Variants in LRRC4C observed in about 807,000 individuals in gnomAD.
LRRC4C encodes leucine rich repeat containing 4C.
LRRC4C carries 5 observed loss-of-function variants against 33.6 expected under a neutral mutation model. The observed-to-expected ratio is 0.15, with a 90% CI of 0.08 to 0.31. LRRC4C has a LOEUF of 0.31. LRRC4C is among the 10% of genes least tolerant of loss of function. The pLI, the probability that LRRC4C is intolerant of heterozygous loss-of-function variation, is 1.00. For synonymous variants in LRRC4C, 329 were observed against 302.0 expected, an observed-to-expected ratio of 1.09 and a Z score of -0.93; for missense variants, 560 against 796.7, an observed-to-expected ratio of 0.70 and a Z score of 3.58.
intron 1 of LRRC4C, among the ~76,000 whole-genome samples, chr11:40,989,898 T>A (rs535192010): frequency 6.6e-6 from 1 of 152,132 alleles, no homozygotes; most frequent in Non-Finnish European, 1.5e-5. Context: ...AAAATGCAGA[T>A]AAAAACAATA....
At chr11:40,755,091 G>C (rs1338849025) in intron 2 of LRRC4C, among the ~76,000 whole-genome samples, 2 of 152,072 alleles carry the variant, frequency 1.3e-5, no homozygotes, top group African/African-American at 2.4e-5. Flanking sequence ...TATCTATTGA[G>C]TTTGCATGAT....
At chr11:41,121,081 T>C (rs536274811) in intron 1 of LRRC4C, among the ~76,000 whole-genome samples, 3 of 152,288 alleles carry the variant, frequency 2.0e-5, no homozygotes, top group Middle Eastern at 6.8e-3. Context: ...TATAGTAGTG[T>C]AAAAACAGAC....
intron 1 of LRRC4C, among the ~76,000 whole-genome samples, chr11:41,003,611 A>G (rs555837801): frequency 6.6e-6 from 1 of 152,174 alleles, no homozygotes; most frequent in South Asian, 2.1e-4. Flanking sequence ...TGCTTCACTA[A>G]ATGCATAAAG....
chr11:40,642,021 CT>C (rs35297791), intron 3 of LRRC4C, among the ~76,000 whole-genome samples: 6,726 of 140,144 alleles, frequency 0.048, 168 homozygotes, highest in African/African-American at 0.063. Flanking sequence ...CCACAGGCTG[CT>C]TTTTTTTTTT....
chr11:40,671,462 C>T (rs1944104734), intron 2 of LRRC4C, among the ~76,000 whole-genome samples: 1 of 152,082 alleles, frequency 6.6e-6, no homozygotes, highest in Admixed American at 6.6e-5. Flanking sequence ...AGAAAAGTTG[C>T]TTCTAATATC....
At chr11:40,223,075 A>G (rs1864535374) in intron 5 of LRRC4C, among the ~76,000 whole-genome samples, 1 of 152,222 alleles carries the variant, frequency 6.6e-6, no homozygotes, top group African/African-American at 2.4e-5. Flanking sequence ...AAAAAAGGTT[A>G]GAAATATAGA....
intron 1 of LRRC4C, among the ~76,000 whole-genome samples, chr11:41,132,915 A>C (rs1442444685): frequency 6.6e-6 from 1 of 152,180 alleles, no homozygotes; most frequent in Non-Finnish European, 1.5e-5. Context: ...ATATTTTCAA[A>C]GTAAAAGGTG....
intron 3 of LRRC4C, among the ~76,000 whole-genome samples, chr11:40,567,170 T>C (rs2135542807): frequency 6.6e-6 from 1 of 152,302 alleles, no homozygotes; most frequent in Non-Finnish European, 1.5e-5. Context: ...TTTGTTGTAA[T>C]TTTATAGTAC....
At chr11:40,838,507 T>C (rs762107753) in intron 2 of LRRC4C, among the ~76,000 whole-genome samples, 1 of 152,194 alleles carries the variant, frequency 6.6e-6, no homozygotes, top group Non-Finnish European at 1.5e-5. Context: ...TTTTTCCTTA[T>C]GCAAACTAGC....
intron 3 of LRRC4C, among the ~76,000 whole-genome samples, chr11:40,559,777 T>A (rs1331880301): frequency 6.6e-6 from 1 of 152,128 alleles, no homozygotes; most frequent in East Asian, 1.9e-4. Flanking sequence ...CTGGTACGAG[T>A]GGTATCTCAT....
At chr11:40,451,166 A>G (rs566267884) in intron 3 of LRRC4C, among the ~76,000 whole-genome samples, 1 of 151,930 alleles carries the variant, frequency 6.6e-6, no homozygotes, top group African/African-American at 2.4e-5. Context: ...AGAAAATAAT[A>G]AAGATCAGAG....
At chr11:40,423,298 G>A (rs527897253) in intron 3 of LRRC4C, among the ~76,000 whole-genome samples, 1 of 151,352 alleles carries the variant, frequency 6.6e-6, no homozygotes, top group African/African-American at 2.4e-5. Context: ...GGATATAAAC[G>A]GTGTTATTTG....
intron 3 of LRRC4C, among the ~76,000 whole-genome samples, chr11:40,536,428 G>A (rs1284555043): frequency 6.6e-6 from 1 of 152,140 alleles, no homozygotes; most frequent in Non-Finnish European, 1.5e-5. Flanking sequence ...TCTTGACCTC[G>A]TGATCCACCT....
chr11:41,326,106 C>T (rs2137319052), intron 1 of LRRC4C, among the ~76,000 whole-genome samples: 1 of 151,036 alleles, frequency 6.6e-6, no homozygotes, highest in South Asian at 2.1e-4. Context: ...ATGGGAGAGG[C>T]AGACCCACCT....
At chr11:41,288,666 A>G (rs753292211) in intron 1 of LRRC4C, among the ~76,000 whole-genome samples, 4 of 152,160 alleles carry the variant, frequency 2.6e-5, no homozygotes, top group Non-Finnish European at 5.9e-5. Flanking sequence ...TTATATCACA[A>G]ATTTACATGT....
At chr11:40,913,627 T>C (rs1480028774) in intron 2 of LRRC4C, among the ~76,000 whole-genome samples, 1 of 151,984 alleles carries the variant, frequency 6.6e-6, no homozygotes, top group Non-Finnish European at 1.5e-5. Flanking sequence ...CTAACATCAC[T>C]ATTAAAGGAA....
intron 3 of LRRC4C, among the ~76,000 whole-genome samples, chr11:40,606,579 G>A (rs961671794): frequency 6.6e-6 from 1 of 151,680 alleles, no homozygotes; most frequent in Non-Finnish European, 1.5e-5. Context: ...AAAAAAAGAG[G>A]TATGTAAAGT....
chr11:40,508,734 G>A (rs965649441), intron 3 of LRRC4C, among the ~76,000 whole-genome samples: 1 of 152,112 alleles, frequency 6.6e-6, no homozygotes, highest in Non-Finnish European at 1.5e-5. Context: ...GTGATGATTG[G>A]TTCCACTGTC....
chr11:40,537,171 A>C (rs1033511163), intron 3 of LRRC4C, among the ~76,000 whole-genome samples: 1 of 152,174 alleles, frequency 6.6e-6, no homozygotes, highest in Non-Finnish European at 1.5e-5. Flanking sequence ...CAGCAACCTG[A>C]TTTGTGAAGG....
Sources: gnomAD v4.1 joint callset for allele counts (sites outside exome capture counted in the v4.1 genomes callset) on GRCh38, gnomAD v4.1.1 for gene constraint, MANE v1.5 for transcripts, NCBI Gene and HGNC (gene_info 2026-07-23, HGNC 2026-07-21) for gene names.